Variants in FOCAD observed in about 807,000 individuals in gnomAD.
FOCAD encodes the protein focadhesin.
Under a neutral mutation model 225.6 loss-of-function variants are expected in FOCAD, and 198 were observed. That is an observed-to-expected ratio of 0.88 (90% CI 0.78 to 0.99). The LOEUF is 0.99. Among genes scored for constraint, FOCAD ranks in the 50% least tolerant of loss-of-function variants. The probability of loss-of-function intolerance (pLI) is 0.00; values close to 1 mark genes in which losing one functional copy is unlikely to be tolerated. For synonymous variants in FOCAD, 897 were observed against 755.0 expected (o/e 1.19, Z -3.08); for missense variants, 2,713 against 2,123.6 (o/e 1.28, Z -5.46).
At chr9:20,927,235 T>A (rs979391219) in intron 26 of FOCAD, among the ~76,000 whole-genome samples, 3 of 152,144 alleles carry the variant, frequency 2.0e-5, no homozygotes, top group African/African-American at 7.2e-5. Context: ...TTTCAGATTG[T>A]GTGACTTTGG....
rs369548153 is a variant in FOCAD, at chr9:20,768,302, G to A, written c.700-1730G>A. 4.7e-3 allele frequency among the ~76,000 whole-genome samples: 704 copies of A among 150,532 alleles called. 7 individuals carry two copies. Among genetic ancestry groups the A allele is most frequent in the African/African-American group, 0.014 (573 of 41,074 alleles). On this transcript the variant is annotated intron_variant, in intron 7 of 43. Transcript: ENST00000338382. ...TCTTTTGGCTTAGGATTGACTTGGC[G>A]ATGCGGGCTCTTTTTTGGTTCCATA... is the stretch of plus-strand genomic sequence containing the variant.
chr9:20,926,897 G>A (rs142508566), intron 26 of FOCAD, among the ~76,000 whole-genome samples: 192 of 150,742 alleles, frequency 1.3e-3, no homozygotes, highest in Non-Finnish European at 2.6e-3. Context: ...ACACACACAC[G>A]AAATATTATC....
intron 27 of FOCAD, among the ~76,000 whole-genome samples, chr9:20,932,720 T>C (rs1587650487): frequency 6.6e-6 from 1 of 152,334 alleles, no homozygotes; most frequent in Middle Eastern, 3.4e-3. Context: ...TTCTTTTTTA[T>C]TTTTCAATGG....
Position 20,851,060 on chromosome 9 carries a change from T to G in FOCAD, c.1921-11518T>G, listed in dbSNP as rs1827597559. 2.0e-5 allele frequency among the ~76,000 whole-genome samples: 3 copies of G among 151,470 alleles called. No individual in the cohort carries two copies. In the South Asian group the frequency reaches 6.2e-4, roughly 31 times the overall value. ...CAATAAAGAAGATAAATAATTAGTC[T>G]TATGAAAATATTAGATAACCTTAAG... On this transcript the variant is annotated intron_variant, in intron 15 of 43. Transcript: ENST00000338382.
At chr9:20,958,455 T>A (rs1373508126) in intron 35 of FOCAD, among the ~76,000 whole-genome samples, 1 of 152,152 alleles carries the variant, frequency 6.6e-6, no homozygotes, top group Non-Finnish European at 1.5e-5. Flanking sequence ...TACATAGAGA[T>A]GTTCTGATGA....
At chr9:20,991,199 T>C (rs780389887) in intron 42 of FOCAD, among the ~76,000 whole-genome samples, 8 of 152,234 alleles carry the variant, frequency 5.3e-5, no homozygotes, top group Non-Finnish European at 8.8e-5. Flanking sequence ...TACTAGCTGT[T>C]CTGCAAAGCA....
chr9:20,867,011 A>C lies in FOCAD; in HGVS notation c.2189A>C (p.Lys730Thr). 6.4e-7 allele frequency: 1 copy of C among 1,573,120 alleles called. No homozygotes were observed. The highest frequency in any genetic ancestry group is 8.7e-7 in the Non-Finnish European group (1 of 1,155,192). The change falls in exon 18 of 44, where the codon AAG becomes ACG. Residue 730 changes from lysine (K) to threonine (T), a missense_variant and splice_region_variant. Lys to Thr is a moderately conservative substitution (Grantham distance 78, BLOSUM62 -1). Coordinates refer to ENST00000338382, the MANE Select transcript of FOCAD (RefSeq NM_001375567.1). ...CACACCATTCTTCATCTGCCTGAAA[A>C]GGTAGGCATATCTGCTTTCTCACTG... Reference protein sequence around the residue: ...GEHTILHLPEKIRPEIPIPEE... With the variant: ...GEHTILHLPETIRPEIPIPEE...
At chr9:20,773,105 C>T (rs1818400549) in intron 8 of FOCAD, among the ~76,000 whole-genome samples, 1 of 151,942 alleles carries the variant, frequency 6.6e-6, no homozygotes, top group South Asian at 2.1e-4. Context: ...CCATATTTTT[C>T]CTGGGTACTT....
chr9:20,753,960 G>C (rs544097616), intron 5 of FOCAD, among the ~76,000 whole-genome samples: 1 of 152,122 alleles, frequency 6.6e-6, no homozygotes, highest in East Asian at 1.9e-4. Context: ...TTCATAACTT[G>C]AATAGCTGGT....
At chr9:20,816,228 C>A (rs1823713986) in intron 11 of FOCAD, among the ~76,000 whole-genome samples, 1 of 152,136 alleles carries the variant, frequency 6.6e-6, no homozygotes, top group Non-Finnish European at 1.5e-5. Context: ...CAACTAAATA[C>A]ACTAGTTTAT....
At chr9:20,749,731 T>G (rs1471200659) in intron 5 of FOCAD, among the ~76,000 whole-genome samples, 1 of 152,206 alleles carries the variant, frequency 6.6e-6, no homozygotes, top group Non-Finnish European at 1.5e-5. Context: ...TGTCTGTCGC[T>G]GAATTTATGA....
intron 42 of FOCAD, among the ~76,000 whole-genome samples, chr9:20,991,929 G>T (rs925330258): frequency 6.6e-6 from 1 of 151,346 alleles, no homozygotes; most frequent in Non-Finnish European, 1.5e-5. Context: ...TTATATATTT[G>T]TAGTGCTTGA....
At chr9:20,738,399 G>A (rs1827323635) in intron 4 of FOCAD, among the ~76,000 whole-genome samples, 1 of 152,320 alleles carries the variant, frequency 6.6e-6, no homozygotes, top group Non-Finnish European at 1.5e-5. Context: ...CCATAGAATT[G>A]ACACAGTACC....
chr9:20,673,047 T>G (rs1822122103), intron 2 of FOCAD, among the ~76,000 whole-genome samples: 1 of 152,224 alleles, frequency 6.6e-6, no homozygotes, highest in Non-Finnish European at 1.5e-5. Flanking sequence ...TCCCATTGCT[T>G]GGAGTATGCA....
intron 5 of FOCAD, among the ~76,000 whole-genome samples, chr9:20,741,232 C>T (rs1305945685): frequency 2.0e-5 from 3 of 152,152 alleles, no homozygotes; most frequent in African/African-American, 4.8e-5. Flanking sequence ...CTGTAGTCTT[C>T]AGTATTTGAC....
intron 6 of FOCAD, among the ~76,000 whole-genome samples, chr9:20,762,576 A>G (rs1829701234): frequency 1.3e-5 from 2 of 152,218 alleles, no homozygotes; most frequent in Admixed American, 6.5e-5. Context: ...TTACATTTTT[A>G]TTAATCTTAA....
chr9:20,940,002 CA>C (rs1836482827), intron 28 of FOCAD, among the ~76,000 whole-genome samples: 2 of 151,134 alleles, frequency 1.3e-5, no homozygotes, highest in African/African-American at 4.9e-5. Context: ...AACATGCGTC[CA>C]AGTGTTCTCA....
rs138035893 is a variant in FOCAD at position 20,956,359 on chromosome 9, T to C, written c.4132+3294T>C. Among the ~76,000 whole-genome samples the C allele has an allele frequency of 1.4e-3, 218 of 152,304 alleles. 1 individual carries two copies. The highest frequency in any genetic ancestry group is 2.8e-3 in the Non-Finnish European group (191 of 68,022). On this transcript the variant is annotated intron_variant, in intron 35 of 43. Coordinates refer to ENST00000338382, the MANE Select transcript of FOCAD (RefSeq NM_001375567.1). ...GAAATAGTTTACCTGTACAACTCTT[T>C]AAAAAATATTATCAGAAGTCAGTAT...
At chr9:20,670,307 A>G (rs1250194738) in intron 2 of FOCAD, among the ~76,000 whole-genome samples, 1 of 152,240 alleles carries the variant, frequency 6.6e-6, no homozygotes, top group African/African-American at 2.4e-5. Flanking sequence ...ATTTAAGCCT[A>G]GTGAGGTAAA....
Sources: gnomAD v4.1 joint callset for allele counts (sites outside exome capture counted in the v4.1 genomes callset) on GRCh38, gnomAD v4.1.1 for gene constraint, MANE v1.5 for transcripts, NCBI Gene and HGNC (gene_info 2026-07-23, HGNC 2026-07-21) for gene names.